The following RUBCN variants were observed in gnomAD, a reference collection of about 807,000 sequenced individuals.
RUBCN encodes the protein rubicon autophagy regulator, also known as run domain Beclin-1-interacting and cysteine-rich domain-containing protein.
A neutral mutation model predicts 113.2 loss-of-function variants in RUBCN; 74 were observed. The ratio of observed to expected loss-of-function variants is 0.65; its 90% CI spans 0.54 to 0.79. The LOEUF is 0.79. RUBCN is among the 30% of genes least tolerant of loss of function. RUBCN has a pLI of 0.00. For missense variants in RUBCN, 1,109 were observed against 1,251.7 expected, an observed-to-expected ratio of 0.89 and a Z score of 1.72; for synonymous variants, 480 against 490.0, an observed-to-expected ratio of 0.98 and a Z score of 0.27.
At chr3:197,710,890 C>T (rs1373023420) in intron 2 of RUBCN, among the ~76,000 whole-genome samples, 1 of 151,870 alleles carries the variant, frequency 6.6e-6, no homozygotes, top group Non-Finnish European at 1.5e-5. Flanking sequence ...GTGATCTTGG[C>T]TCACTGCAAA....
chr3:197,745,105 T>C (rs1728681545), intron 1 of RUBCN, among the ~76,000 whole-genome samples: 1 of 150,044 alleles, frequency 6.7e-6, no homozygotes, highest in South Asian at 2.1e-4. Flanking sequence ...GCCAACATGG[T>C]GAAACCCCAT....
At position 197,695,760 on chromosome 3, in the gene RUBCN, T is replaced by G. The variant is rs1580230104; in HGVS notation, c.1473+106A>C. ...AGCTTCCCTTTACCGTGAACTTATC[T>G]TTACTGTAATCTATACCCAAAACCT... On this transcript the variant is annotated intron_variant, in intron 9 of 19. Coordinates refer to ENST00000296343, the MANE Select transcript of RUBCN (RefSeq NM_014687.4). The G allele has an allele frequency of 5.4e-5, 55 of 1,013,912 alleles. No homozygotes were observed. The East Asian group carries it at 1.3e-3, about 24-fold the overall frequency. The allele number at this position is 1,013,912 out of a possible 1,614,324, so 62.8% of individuals were successfully genotyped here.
At chr3:197,707,065 C>T (rs1053003729) in intron 2 of RUBCN, among the ~76,000 whole-genome samples, 43 of 143,574 alleles carry the variant, frequency 3.0e-4, no homozygotes, top group African/African-American at 1.2e-3. Context: ...AAATTGTGGC[C>T]GGGCGCGGTG....
chr3:197,743,005 G>T (rs1461653448), intron 1 of RUBCN, among the ~76,000 whole-genome samples: 1 of 152,110 alleles, frequency 6.6e-6, no homozygotes, highest in Non-Finnish European at 1.5e-5. Context: ...AAGCTGAGAG[G>T]TCCCACCCCT....
Position 197,681,331 on chromosome 3 carries a change from C to T in RUBCN, c.2228G>A (p.Gly743Asp). ...IKRLRYCEYLGKYFCQCCHEN... is the reference protein window; with the variant it reads ...IKRLRYCEYLDKYFCQCCHEN... ...GTGGCAGCACTGGCAGAAGTACTTG[C>T]CCAGGTACTCACAGTACCGCAGTCG... Residue 743 changes from glycine (G) to aspartate (D), a missense_variant, in exon 16 of 20, where the codon GGC becomes GAC. Around this residue, in one of 3 missense-constraint regions of RUBCN, gnomAD observed 306 missense variants for 348.9 expected, o/e 0.88. Transcript: ENST00000296343. This position sits in a 1 kb window ranked among gnomAD's most constrained non-coding sequence, Gnocchi z 5.5. The T allele has an allele frequency of 6.2e-7, 1 of 1,614,086 alleles. No homozygotes were observed. Among genetic ancestry groups the T allele is most frequent in the South Asian group, 1.1e-5 (1 of 91,086 alleles).
At chr3:197,734,732 G>A (rs1283478633) in intron 1 of RUBCN, among the ~76,000 whole-genome samples, 2 of 152,084 alleles carry the variant, frequency 1.3e-5, no homozygotes, top group South Asian at 2.1e-4. Context: ...ATCCTAAAAC[G>A]TGTTTAGAAT....
Position 197,674,487 on chromosome 3 carries a change from G to A in RUBCN, c.*531C>T, listed in dbSNP as rs200926940. 2.3e-4 allele frequency: 111 copies of A among 475,168 alleles called. No homozygotes were observed. Among genetic ancestry groups the A allele is most frequent in the Non-Finnish European group, 4.3e-4 (98 of 230,534 alleles). The allele number at this position is 475,168 out of a possible 1,614,324, so 29.4% of individuals were successfully genotyped here. ...CCCCAAAATACCCAAATAAGTGGAC[G>A]AAATGCCCATGACGTAGTCCTATTC... On this transcript the variant is annotated 3_prime_UTR_variant, in exon 20 of 20. Transcript: ENST00000296343.
chr3:197,697,033 CT>C lies in RUBCN; in HGVS notation c.1277del (p.Lys426ArgfsTer4). On this transcript the variant is annotated frameshift_variant, in exon 8 of 20. Coordinates refer to ENST00000296343, the MANE Select transcript of RUBCN (RefSeq NM_014687.4). LOFTEE classifies it high-confidence loss of function. ...AGGGCAAAGGGCCTCTCAACTTCGC[CT>C]TATCATTGCAGGATTCTAATGACGA... ...SRGAPESCNDKAKLRGPLPYS... is the reference protein window; with the variant it reads ...SRGAPESCNDXAKLRGPLPYS... 2 of 1,591,676 alleles carry C rather than the reference CT, an allele frequency of 1.3e-6. No homozygotes were observed. Among genetic ancestry groups the C allele is most frequent in the Non-Finnish European group, 1.7e-6 (2 of 1,159,620 alleles).
intron 1 of RUBCN, among the ~76,000 whole-genome samples, chr3:197,730,506 GAGAC>G (rs968967499): frequency 3.3e-5 from 5 of 151,904 alleles, no homozygotes; most frequent in Non-Finnish European, 7.4e-5. Context: ...CCCAGAGACA[GAGAC>G]AAATTCTTAA....
chr3:197,742,539 G>A (rs188018870), intron 1 of RUBCN, among the ~76,000 whole-genome samples: 5 of 152,280 alleles, frequency 3.3e-5, no homozygotes, highest in Admixed American at 1.3e-4. Context: ...TAACATAGTT[G>A]ACGAATGTTC....
At chr3:197,692,976 G>A (rs2108880774) in intron 11 of RUBCN, among the ~76,000 whole-genome samples, 1 of 152,322 alleles carries the variant, frequency 6.6e-6, no homozygotes, top group East Asian at 1.9e-4. Context: ...GAGAATTATA[G>A]ATACCATTCA....
intron 1 of RUBCN, among the ~76,000 whole-genome samples, chr3:197,746,089 T>C (rs1315467292): frequency 6.6e-6 from 1 of 152,070 alleles, no homozygotes; most frequent in African/African-American, 2.4e-5. Flanking sequence ...ATTTAGCAAA[T>C]AAAATAAAAG....
chr3:197,700,725 G>T lies in RUBCN; in HGVS notation c.1149C>A (p.Val383=), dbSNP rs1367507725. The change falls in exon 7 of 20, where the codon GTC becomes GTA. Residue 383 remains valine, a synonymous_variant. Transcript: ENST00000296343. ...EGGGESQLSS[V]LRRSSFSEGQ... Reference sequence around the variant, plus strand: ...CCTCTGAGAAGCTGGACCTGCGGAGGACACTGGACAGCTGGCTCTCCCCAC... The same window carrying T: ...CCTCTGAGAAGCTGGACCTGCGGAGTACACTGGACAGCTGGCTCTCCCCAC... 10 of 1,614,064 alleles carry T rather than the reference G, an allele frequency of 6.2e-6. No individual in the cohort carries two copies. The highest frequency in any genetic ancestry group is 8.5e-6 in the Non-Finnish European group (10 of 1,180,036).
chr3:197,674,872 CAA>C lies in RUBCN; in HGVS notation c.*144_*145del. 37 of 597,852 alleles carry C rather than the reference CAA, an allele frequency of 6.2e-5. No individual in the cohort carries two copies. Among genetic ancestry groups the C allele is most frequent in the Admixed American group, 2.1e-4 (4 of 19,372 alleles). The allele number at this position is 597,852 out of a possible 1,614,324, so 37.0% of individuals were successfully genotyped here. ...CGGCTGACTGCACACAGACGTCAGACAAGTCAGTAAAAAAAAAAAAAAAGATG... is the reference window on the plus strand; with the variant it reads ...CGGCTGACTGCACACAGACGTCAGACGTCAGTAAAAAAAAAAAAAAAGATG... On this transcript the variant is annotated 3_prime_UTR_variant, in exon 20 of 20. Transcript: ENST00000296343.
chr3:197,697,754 C>T (rs372322474), intron 7 of RUBCN, among the ~76,000 whole-genome samples: 2 of 152,190 alleles, frequency 1.3e-5, no homozygotes, highest in Middle Eastern at 3.2e-3. Context: ...ACAACATTTC[C>T]AGGACCACAG....
At chr3:197,731,631 C>T (rs1174268366) in intron 1 of RUBCN, among the ~76,000 whole-genome samples, 2 of 151,096 alleles carry the variant, frequency 1.3e-5, no homozygotes, top group African/African-American at 2.4e-5. Context: ...GCCTGACCCC[C>T]CCACCTCCCT....
At position 197,676,954 on chromosome 3, in the gene RUBCN, C is replaced by A. The variant is rs775578654; in HGVS notation, c.2577G>T (p.Arg859Ser). The stretch of plus-strand genomic sequence containing the variant: ...CAAGCCGGGGCCCCAGCTCCCCCTT[C>A]CTGGTCGCAGTCAGGTCATTCAGTG... ...LYSLNDLTAT[R>S]KGELGPRLAE... is the part of the protein sequence containing the mutation. The change falls in exon 18 of 20, where the codon AGG becomes AGT. Residue 859 changes from arginine (R) to serine (S), a missense_variant. This residue lies in a region of RUBCN where 306 missense variants were observed against 348.9 expected (regional missense o/e 0.88). Coordinates refer to ENST00000296343, the MANE Select transcript of RUBCN (RefSeq NM_014687.4). The A allele has an allele frequency of 6.2e-7, 1 of 1,614,254 alleles. No homozygotes were observed. Among genetic ancestry groups the A allele is most frequent in the East Asian group, 2.2e-5 (1 of 44,892 alleles).
At position 197,703,654 on chromosome 3, in the gene RUBCN, T is replaced by C. The variant is rs1482037395; in HGVS notation, c.464A>G (p.Asp155Gly). 3 of 1,610,282 alleles carry C rather than the reference T, an allele frequency of 1.9e-6. No homozygotes were observed. The highest frequency in any genetic ancestry group is 2.2e-5 in the East Asian group (1 of 44,850). ...AGCGTCACTTAGCAGGAAGGCAGCA[T>C]CTGGGGAGAGAAAAGCTGCCACAGT... The part of the protein sequence containing the change: ...DRQYIRKFYT[D>G]AAFLLSDAHV... Residue 155 changes from aspartate to glycine, a missense_variant and splice_region_variant, in exon 5 of 20, where the codon GAT (aspartate) becomes GGT (glycine). This residue lies in a region of RUBCN where 736 missense variants were observed against 779.6 expected (regional missense o/e 0.94). Transcript: ENST00000296343.
chr3:197,736,890 T>A lies in RUBCN; in HGVS notation c.-171A>T. The A allele has an allele frequency of 4.4e-6, 6 of 1,368,772 alleles. No homozygotes were observed. The highest frequency in any genetic ancestry group is 1.7e-5 in the South Asian group (1 of 58,874). The allele number at this position is 1,368,772 out of a possible 1,614,324, so 84.8% of individuals were successfully genotyped here. A position where few individuals can be genotyped will look rare whatever the true frequency, so the allele number is the denominator to read the frequency against. On this transcript the variant is annotated 5_prime_UTR_variant, in exon 1 of 20. The change creates a new upstream start codon in the 5' untranslated region. Coordinates refer to ENST00000296343, the MANE Select transcript of RUBCN (RefSeq NM_014687.4). ...GAGGGACCGCCGCCTGGGCTGCGGCTTCTATCCCGGCCACCCCCACTTCCG... is the reference window on the plus strand; with the variant it reads ...GAGGGACCGCCGCCTGGGCTGCGGCATCTATCCCGGCCACCCCCACTTCCG...
Sources: allele counts gnomAD v4.1 joint callset (sites outside exome capture counted in the v4.1 genomes callset), GRCh38; gene constraint gnomAD v4.1.1; regional missense constraint gnomAD v4.1.1; non-coding constraint Gnocchi (gnomAD v3.1); transcripts MANE v1.5; gene names NCBI Gene and HGNC (gene_info 2026-07-23, HGNC 2026-07-21).